The following COL25A1 variants were observed in gnomAD, a reference collection of about 807,000 sequenced individuals.
COL25A1 encodes the protein collagen type XXV alpha 1 chain.
COL25A1 carries 103 observed loss-of-function variants against 128.4 expected under a neutral mutation model. That is an observed-to-expected ratio of 0.80 (90% confidence interval 0.68 to 0.94). The LOEUF (loss-of-function observed/expected upper bound fraction) is 0.94, where lower values mean the gene tolerates loss of function less well. Ranked by LOEUF, COL25A1 falls within the 40% of genes least tolerant of loss-of-function variation. COL25A1 has a pLI of 0.00. For synonymous variants in COL25A1, 279 were observed against 277.2 expected (o/e 1.01, Z -0.06); for missense variants, 745 against 840.0 (o/e 0.89, Z 1.40).
At chr4:108,852,174 T>C (rs1397782443) in intron 26 of COL25A1, 62 bp downstream of exon 26, 1 of 1,264,278 alleles carries the variant, frequency 7.9e-7, no homozygotes, top group Non-Finnish European at 1.1e-6. Flanking sequence ...AAGATGCATA[T>C]ACTTAATACG....
intron 3 of COL25A1, among the ~76,000 whole-genome samples, chr4:109,280,973 A>T (rs1332706072): frequency 6.6e-6 from 1 of 152,200 alleles, no homozygotes; most frequent in East Asian, 1.9e-4. Flanking sequence ...GGTTCAACAA[A>T]ATGTATGTGT....
At chr4:109,292,923 C>T (rs911713299) in intron 3 of COL25A1, among the ~76,000 whole-genome samples, 2 of 152,008 alleles carry the variant, frequency 1.3e-5, no homozygotes, top group Non-Finnish European at 2.9e-5. Flanking sequence ...TAGAACCGGC[C>T]AGCATTTCTG....
At chr4:109,040,745 G>A (rs559875663) in intron 5 of COL25A1, among the ~76,000 whole-genome samples, 25 of 152,124 alleles carry the variant, frequency 1.6e-4, no homozygotes, top group Non-Finnish European at 1.8e-4. Context: ...ACATTAGAAC[G>A]GTACACAGGT....
intron 3 of COL25A1, among the ~76,000 whole-genome samples, chr4:109,253,407 C>T (rs1325212995): frequency 6.6e-6 from 1 of 152,102 alleles, no homozygotes; most frequent in Non-Finnish European, 1.5e-5. Flanking sequence ...AGGAGAAGAC[C>T]TATGCCCTAG....
chr4:108,897,766 T>C (rs1243260693), intron 15 of COL25A1, among the ~76,000 whole-genome samples: 1 of 152,192 alleles, frequency 6.6e-6, no homozygotes, highest in Admixed American at 6.5e-5. Flanking sequence ...CATAACTTTC[T>C]TGGGAGGGGG....
At chr4:108,975,489 T>C (rs1371271955) in intron 6 of COL25A1, among the ~76,000 whole-genome samples, 1 of 152,212 alleles carries the variant, frequency 6.6e-6, no homozygotes, top group Non-Finnish European at 1.5e-5. Context: ...ATTCATGTCT[T>C]TTGTGAAAAT....
At chr4:108,873,543 G>GTAC (rs1230963669) in intron 19 of COL25A1, among the ~76,000 whole-genome samples, 1 of 113,568 alleles carries the variant, frequency 8.8e-6, no homozygotes, top group Non-Finnish European at 1.9e-5. Context: ...AGTAGTAGTA[G>GTAC]TAGTAGTAGT....
At chr4:108,884,030 T>A in intron 19 of COL25A1, 148 bp downstream of exon 19, 3 of 637,846 alleles carry the variant, frequency 4.7e-6, no homozygotes, top group Non-Finnish European at 7.7e-6. Flanking sequence ...TAATTTTTAA[T>A]TTAAAAATTT....
At chr4:109,105,174 T>TA (rs1766306887) in intron 3 of COL25A1, among the ~76,000 whole-genome samples, 2 of 152,138 alleles carry the variant, frequency 1.3e-5, no homozygotes, top group African/African-American at 2.4e-5. Context: ...TAATTTTCTG[T>TA]AATAAAAAGA....
At chr4:109,138,808 C>CG (rs756855181) in intron 3 of COL25A1, among the ~76,000 whole-genome samples, 1 of 152,016 alleles carries the variant, frequency 6.6e-6, no homozygotes, top group Non-Finnish European at 1.5e-5. Context: ...CCTGGGTTCA[C>CG]GCCATTCTCC....
At chr4:109,071,833 C>G (rs1762995515) in intron 3 of COL25A1, among the ~76,000 whole-genome samples, 1 of 152,182 alleles carries the variant, frequency 6.6e-6, no homozygotes, top group African/African-American at 2.4e-5. Context: ...AATAGGAACA[C>G]TTTTACACTG....
At chr4:109,053,495 C>T (rs1761168314) in intron 3 of COL25A1, among the ~76,000 whole-genome samples, 1 of 152,098 alleles carries the variant, frequency 6.6e-6, no homozygotes, top group African/African-American at 2.4e-5. Flanking sequence ...GAAACATATG[C>T]CACTCCATGG....
chr4:108,832,565 T>C, intron 31 of COL25A1, 132 bp from the exon 32 acceptor site: 1 of 600,132 alleles, frequency 1.7e-6, no homozygotes, highest in Non-Finnish European at 2.9e-6. Flanking sequence ...CAAAGTGCTT[T>C]ATGCTTGATT....
chr4:109,109,668 G>C (rs1766807619), intron 3 of COL25A1, among the ~76,000 whole-genome samples: 1 of 152,178 alleles, frequency 6.6e-6, no homozygotes, highest in Admixed American at 6.5e-5. Context: ...TGTGCCTGGG[G>C]ATGTATATGT....
At chr4:109,063,373 C>T (rs1820367) in intron 3 of COL25A1, among the ~76,000 whole-genome samples, 9,588 of 151,856 alleles carry the variant, frequency 0.063, 378 homozygotes, top group South Asian at 0.095. Context: ...CTTGGTAGCA[C>T]GTGCCTGTAA....
At chr4:108,978,081 G>A (rs942656417) in intron 6 of COL25A1, among the ~76,000 whole-genome samples, 8 of 152,210 alleles carry the variant, frequency 5.3e-5, no homozygotes, top group Admixed American at 3.3e-4. Flanking sequence ...CCAAATCCAC[G>A]TATCAACTAG....
At position 109,010,220 on chromosome 4, in the gene COL25A1, G is replaced by A. The variant is rs1233896573; in HGVS notation, c.438+138C>T. On this transcript the variant is annotated intron_variant, in intron 6 of 37. Coordinates refer to ENST00000399132, the MANE Select transcript of COL25A1 (RefSeq NM_198721.4). Reference sequence around the variant, plus strand: ...AAGAGGCCCCAAGGGTTTACTCCTGGGAAATATTTGGTCTACTGTGTGGTG... The same window carrying A: ...AAGAGGCCCCAAGGGTTTACTCCTGAGAAATATTTGGTCTACTGTGTGGTG... 7.2e-6 allele frequency: 5 copies of A among 696,226 alleles called. No individual in the cohort carries two copies. In the African/African-American group the frequency reaches 7.6e-5, roughly 11 times the overall value. 43.1% of individuals were successfully genotyped at this position (696,226 alleles called of 1,614,324 possible). A position where few individuals can be genotyped will look rare whatever the true frequency, so the allele number is the denominator to read the frequency against.
chr4:108,913,261 CTTTTTTT>C (rs201929872), intron 13 of COL25A1, among the ~76,000 whole-genome samples: 44 of 92,422 alleles, frequency 4.8e-4, no homozygotes, highest in African/African-American at 1.5e-3. Context: ...TCTCTAGCTC[CTTTTTTT>C]TTTTTTTTTT....
intron 3 of COL25A1, among the ~76,000 whole-genome samples, chr4:109,189,747 G>A (rs1397396672): frequency 6.6e-6 from 1 of 151,784 alleles, no homozygotes; most frequent in East Asian, 1.9e-4. Context: ...TTACTAATTA[G>A]GTCAAGCACT....
Sources: gnomAD v4.1 joint callset for allele counts (sites outside exome capture counted in the v4.1 genomes callset) on GRCh38, gnomAD v4.1.1 for gene constraint, MANE v1.5 for transcripts, NCBI Gene and HGNC (gene_info 2026-07-23, HGNC 2026-07-21) for gene names.